Variants in GNA14 observed in about 807,000 individuals in gnomAD.
The protein encoded by GNA14 is guanine nucleotide-binding protein subunit alpha-14.
Under a neutral mutation model 42.0 loss-of-function variants are expected in GNA14, and 50 were observed. That is an observed-to-expected ratio of 1.19 (90% confidence interval 0.95 to 1.51). The LOEUF (loss-of-function observed/expected upper bound fraction) is 1.51. Among genes scored for constraint, GNA14 ranks in the 40% most tolerant of loss-of-function variants. The probability of loss-of-function intolerance (pLI) is 0.00; values close to 1 mark genes in which losing one functional copy is unlikely to be tolerated. For synonymous variants in GNA14, 173 were observed against 163.1 expected, an observed-to-expected ratio of 1.06 and a Z score of -0.46; for missense variants, 473 against 446.2, an observed-to-expected ratio of 1.06 and a Z score of -0.54.
chr9:77,543,909 C>T (rs1463446228), intron 1 of GNA14, among the ~76,000 whole-genome samples: 1 of 152,172 alleles, frequency 6.6e-6, no homozygotes, highest in Non-Finnish European at 1.5e-5. Flanking sequence ...TTTAAAAGTT[C>T]AAATGCAGTG....
chr9:77,523,760 T>G (rs1043040505), intron 2 of GNA14, among the ~76,000 whole-genome samples: 3 of 152,192 alleles, frequency 2.0e-5, no homozygotes, highest in Non-Finnish European at 4.4e-5. Flanking sequence ...CCTGTAGGCC[T>G]TCTTTTTTTC....
chr9:77,580,878 G>A (rs1439627751), intron 1 of GNA14, among the ~76,000 whole-genome samples: 1 of 152,036 alleles, frequency 6.6e-6, no homozygotes. Flanking sequence ...TAATACAAAA[G>A]GTAATCTTTT....
At position 77,550,449 on chromosome 9, in the gene GNA14, C is replaced by T. The variant is rs1392095970; in HGVS notation, c.125-21196G>A. Among the ~76,000 whole-genome samples the T allele has an allele frequency of 2.0e-5, 3 of 152,148 alleles. No individual in the cohort carries two copies. The East Asian group carries it at 5.8e-4, about 29-fold the overall frequency. ...ATTATTAGCTAAAGGTGCTAAGATT[C>T]CTCTGAGTTAGCCAGTTTCTGGAGC... On this transcript the variant is annotated intron_variant, in intron 1 of 6. Transcript: ENST00000341700.
At chr9:77,437,095 T>C (rs1377119489) in intron 2 of GNA14, among the ~76,000 whole-genome samples, 2 of 152,188 alleles carry the variant, frequency 1.3e-5, no homozygotes, top group African/African-American at 4.8e-5. Flanking sequence ...ATGCTAAGTT[T>C]CACTGTCAAA....
intron 2 of GNA14, among the ~76,000 whole-genome samples, chr9:77,466,054 TCAA>T (rs1447905159): frequency 1.3e-5 from 2 of 152,234 alleles, no homozygotes; most frequent in African/African-American, 4.8e-5. Flanking sequence ...ACTTTGACTT[TCAA>T]CAGTTCGACT....
At chr9:77,645,268 T>C (rs1215793007) in intron 1 of GNA14, among the ~76,000 whole-genome samples, 1 of 152,220 alleles carries the variant, frequency 6.6e-6, no homozygotes, top group Non-Finnish European at 1.5e-5. Context: ...GATGCTCTAA[T>C]CTACCCACTA....
chr9:77,551,867 C>T (rs1282187643), intron 1 of GNA14, among the ~76,000 whole-genome samples: 4 of 151,886 alleles, frequency 2.6e-5, no homozygotes, highest in East Asian at 1.9e-4. Flanking sequence ...TGGCCAGGCG[C>T]GGTAGCTCAT....
chr9:77,450,465 G>C (rs1256544255), intron 2 of GNA14, among the ~76,000 whole-genome samples: 1 of 152,110 alleles, frequency 6.6e-6, no homozygotes, highest in East Asian at 1.9e-4. Flanking sequence ...CATCATTCAT[G>C]ATTCCATATT....
chr9:77,426,239 C>G (rs1835451484), intron 5 of GNA14, among the ~76,000 whole-genome samples: 2 of 152,094 alleles, frequency 1.3e-5, no homozygotes, highest in South Asian at 2.1e-4. Context: ...GGAACCCACC[C>G]TGTGCCACAC....
chr9:77,641,711 T>C (rs927029446), intron 1 of GNA14, among the ~76,000 whole-genome samples: 3 of 152,188 alleles, frequency 2.0e-5, no homozygotes, highest in African/African-American at 7.2e-5. Flanking sequence ...CTCTGGACCC[T>C]GTACTGGAGG....
intron 1 of GNA14, among the ~76,000 whole-genome samples, chr9:77,584,971 C>T (rs1269376864): frequency 2.0e-5 from 3 of 152,026 alleles, no homozygotes; most frequent in Admixed American, 6.6e-5. Flanking sequence ...GGGATTTAGC[C>T]GGCTTCTTTA....
chr9:77,609,362 A>G (rs775999465), intron 1 of GNA14, among the ~76,000 whole-genome samples: 2 of 152,160 alleles, frequency 1.3e-5, no homozygotes, highest in Non-Finnish European at 2.9e-5. Context: ...TGATTACTTA[A>G]GTATTCTCTA....
intron 1 of GNA14, among the ~76,000 whole-genome samples, chr9:77,644,152 A>G (rs567017706): frequency 1.3e-5 from 2 of 152,248 alleles, no homozygotes; most frequent in African/African-American, 4.8e-5. Flanking sequence ...CTAATAAAAT[A>G]GGAACTGGTA....
chr9:77,600,544 G>A (rs1823541104), intron 1 of GNA14, among the ~76,000 whole-genome samples: 1 of 152,168 alleles, frequency 6.6e-6, no homozygotes, highest in African/African-American at 2.4e-5. Flanking sequence ...GCACCCCGGC[G>A]TTGGCAAAAC....
At chr9:77,507,540 T>C (rs1395483147) in intron 2 of GNA14, among the ~76,000 whole-genome samples, 1 of 152,182 alleles carries the variant, frequency 6.6e-6, no homozygotes, top group African/African-American at 2.4e-5. Flanking sequence ...TCACAAATCT[T>C]ATTGGAATTC....
chr9:77,437,930 C>T (rs150954029), intron 2 of GNA14, among the ~76,000 whole-genome samples: 10 of 152,302 alleles, frequency 6.6e-5, no homozygotes, highest in South Asian at 2.1e-4. Context: ...GACTGATACA[C>T]GTTGCCATGG....
chr9:77,532,238 C>T (rs758541026), intron 1 of GNA14, among the ~76,000 whole-genome samples: 1 of 152,176 alleles, frequency 6.6e-6, no homozygotes, highest in Non-Finnish European at 1.5e-5. Flanking sequence ...GGTGTATGCA[C>T]GTCCCAGGAT....
intron 1 of GNA14, among the ~76,000 whole-genome samples, chr9:77,587,130 GAAAA>G (rs1823319167): frequency 1.3e-5 from 2 of 149,142 alleles, no homozygotes; most frequent in African/African-American, 4.9e-5. Flanking sequence ...AAAAAAAAAA[GAAAA>G]GAAAAGAACA....
intron 2 of GNA14, among the ~76,000 whole-genome samples, chr9:77,513,721 G>C (rs551340014): frequency 9.5e-4 from 144 of 152,270 alleles, no homozygotes; most frequent in Admixed American, 1.4e-3. Flanking sequence ...GAGTCTTCCC[G>C]AACACATGAT....
Sources: gnomAD v4.1 joint callset for allele counts (sites outside exome capture counted in the v4.1 genomes callset) on GRCh38, gnomAD v4.1.1 for gene constraint, MANE v1.5 for transcripts, NCBI Gene and HGNC (gene_info 2026-07-23, HGNC 2026-07-21) for gene names.